CNTN5: variants seen among roughly 807,000 people sequenced by gnomAD.
The protein encoded by CNTN5 is contactin 5.
Under a neutral mutation model 129.1 loss-of-function variants are expected in CNTN5, and 77 were observed. The ratio of observed to expected loss-of-function variants is 0.60; its 90% CI spans 0.50 to 0.72. CNTN5 has a LOEUF of 0.72. CNTN5 is among the 30% of genes least tolerant of loss of function. The pLI, the probability that CNTN5 is intolerant of heterozygous loss-of-function variation, is 0.00. For missense variants in CNTN5, 1,478 were observed against 1,328.8 expected (o/e 1.11, Z -1.75); for synonymous variants, 509 against 465.6 (o/e 1.09, Z -1.20).
chr11:100,347,885 T>C (rs561984546), intron 23 of CNTN5, among the ~76,000 whole-genome samples: 13 of 152,150 alleles, frequency 8.5e-5, no homozygotes, highest in South Asian at 8.3e-4. Context: ...AGTTTGGGTA[T>C]AACCAGCAAA....
intron 3 of CNTN5, among the ~76,000 whole-genome samples, chr11:99,776,685 T>G (rs948113661): frequency 4.0e-5 from 6 of 151,788 alleles, no homozygotes; most frequent in Non-Finnish European, 8.8e-5. Context: ...CTTGCATAAA[T>G]ATACAGCAGT....
intron 21 of CNTN5, among the ~76,000 whole-genome samples, chr11:100,323,796 A>G (rs927671581): frequency 5.3e-5 from 8 of 151,894 alleles, no homozygotes; most frequent in African/African-American, 1.9e-4. Context: ...TACTTTATTT[A>G]GGTTTAAAAT....
At chr11:100,224,481 A>T (rs1591409668) in intron 15 of CNTN5, among the ~76,000 whole-genome samples, 1 of 152,300 alleles carries the variant, frequency 6.6e-6, no homozygotes, top group Middle Eastern at 3.4e-3. Context: ...TATATGCAAT[A>T]TTAAATGTTC....
intron 7 of CNTN5, among the ~76,000 whole-genome samples, chr11:99,955,046 A>G (rs1950765471): frequency 1.3e-5 from 2 of 152,070 alleles, no homozygotes; most frequent in African/African-American, 2.4e-5. Flanking sequence ...ATGTCCTGTA[A>G]TTGTTAGTTG....
intron 2 of CNTN5, among the ~76,000 whole-genome samples, chr11:99,393,871 T>C (rs901304420): frequency 1.1e-3 from 163 of 151,864 alleles, no homozygotes; most frequent in Non-Finnish European, 2.2e-3. Context: ...ACACACTAAA[T>C]TGTAAGATAA....
At chr11:100,135,887 A>G (rs1230104246) in intron 13 of CNTN5, among the ~76,000 whole-genome samples, 1 of 152,114 alleles carries the variant, frequency 6.6e-6, no homozygotes, top group Non-Finnish European at 1.5e-5. Context: ...ATGATGGTCC[A>G]TCATCTGCTT....
At chr11:99,310,987 G>C (rs950339803) in intron 1 of CNTN5, among the ~76,000 whole-genome samples, 1 of 151,828 alleles carries the variant, frequency 6.6e-6, no homozygotes, top group African/African-American at 2.4e-5. Flanking sequence ...GCCGGAATGC[G>C]GTGGTGCTGT....
At chr11:99,942,331 C>T (rs910710118) in intron 7 of CNTN5, among the ~76,000 whole-genome samples, 4 of 151,694 alleles carry the variant, frequency 2.6e-5, no homozygotes, top group South Asian at 2.1e-4. Flanking sequence ...ATGGAAAGGG[C>T]GTAGGGAGAC....
At chr11:99,845,051 G>A in intron 5 of CNTN5, 36 bp from the exon 6 acceptor site, 1 of 1,611,222 alleles carries the variant, frequency 6.2e-7, no homozygotes, top group Non-Finnish European at 8.5e-7. Context: ...CTCTCAGGGA[G>A]GATTATACAT....
chr11:100,090,405 C>G (rs1944711082), intron 13 of CNTN5, among the ~76,000 whole-genome samples: 1 of 151,862 alleles, frequency 6.6e-6, no homozygotes, highest in East Asian at 1.9e-4. Context: ...GTCCCTCTTT[C>G]TTTTTCTTTT....
intron 1 of CNTN5, among the ~76,000 whole-genome samples, chr11:99,021,688 C>G (rs1284002408): frequency 6.6e-6 from 1 of 152,040 alleles, no homozygotes; most frequent in Non-Finnish European, 1.5e-5. Flanking sequence ...AATGAGTTTC[C>G]GAGACTAAAT....
At chr11:99,532,349 C>T (rs1451927382) in intron 2 of CNTN5, among the ~76,000 whole-genome samples, 1 of 152,098 alleles carries the variant, frequency 6.6e-6, no homozygotes, top group Non-Finnish European at 1.5e-5. Context: ...AACTAACTTG[C>T]TTTTGATTTT....
At chr11:99,472,348 A>T (rs1271020564) in intron 2 of CNTN5, among the ~76,000 whole-genome samples, 1 of 151,934 alleles carries the variant, frequency 6.6e-6, no homozygotes, top group Non-Finnish European at 1.5e-5. Flanking sequence ...CACCTCCTTT[A>T]TCTCATCTTT....
intron 13 of CNTN5, among the ~76,000 whole-genome samples, chr11:100,092,629 T>A (rs995391945): frequency 6.6e-6 from 1 of 152,158 alleles, no homozygotes; most frequent in Admixed American, 6.6e-5. Flanking sequence ...ATTATAAGAT[T>A]GTTTTAAAAA....
intron 9 of CNTN5, among the ~76,000 whole-genome samples, chr11:100,054,306 G>A (rs193094618): frequency 2.0e-5 from 3 of 151,842 alleles, no homozygotes; most frequent in African/African-American, 4.8e-5. Context: ...TGTGAATACA[G>A]GCAGTGATGG....
chr11:99,258,811 A>G (rs1350042506), intron 1 of CNTN5, among the ~76,000 whole-genome samples: 1 of 151,922 alleles, frequency 6.6e-6, no homozygotes, highest in African/African-American at 2.4e-5. Context: ...AGTAGGTAAA[A>G]AGTTGTGATT....
chr11:99,811,211 T>G (rs751380419), intron 3 of CNTN5, among the ~76,000 whole-genome samples: 4 of 152,034 alleles, frequency 2.6e-5, no homozygotes, highest in Non-Finnish European at 5.9e-5. Flanking sequence ...AATACAGTTT[T>G]ATCAATCAAT....
chr11:100,020,388 T>C (rs576435752), intron 9 of CNTN5, among the ~76,000 whole-genome samples: 2 of 152,198 alleles, frequency 1.3e-5, no homozygotes, highest in African/African-American at 4.8e-5. Context: ...TTAAAGACTG[T>C]CCTTTCCTCA....
At chr11:99,514,213 C>A (rs1194791214) in intron 2 of CNTN5, among the ~76,000 whole-genome samples, 3 of 152,050 alleles carry the variant, frequency 2.0e-5, no homozygotes, top group Non-Finnish European at 4.4e-5. Flanking sequence ...TTACTGCAAT[C>A]TCATGATCAA....
Sources: allele counts gnomAD v4.1 joint callset (sites outside exome capture counted in the v4.1 genomes callset), GRCh38; gene constraint gnomAD v4.1.1; transcripts MANE v1.5; gene names NCBI Gene and HGNC (gene_info 2026-07-23, HGNC 2026-07-21).